BCAT1: variants seen among roughly 807,000 people sequenced by gnomAD.
BCAT1 encodes branched chain amino acid transaminase 1.
Under a neutral mutation model 52.4 loss-of-function variants are expected in BCAT1, and 48 were observed. The ratio of observed to expected loss-of-function variants is 0.92; its 90% CI spans 0.73 to 1.16. The LOEUF is 1.16. Among genes scored for constraint, BCAT1 ranks in the 50% most tolerant of loss-of-function variants. The pLI is 0.00. For missense variants in BCAT1, 451 were observed against 457.1 expected (o/e 0.99, Z 0.12); for synonymous variants, 167 against 161.3 (o/e 1.04, Z -0.27).
intron 6 of BCAT1, among the ~76,000 whole-genome samples, chr12:24,846,937 G>A (rs550508469): frequency 5.5e-4 from 83 of 152,282 alleles, no homozygotes; most frequent in African/African-American, 1.8e-3. Context: ...GACTTGGAGA[G>A]AGGATTCAGT....
chr12:24,938,904 T>C (rs1943808593), intron 1 of BCAT1, among the ~76,000 whole-genome samples: 1 of 152,042 alleles, frequency 6.6e-6, no homozygotes, highest in Non-Finnish European at 1.5e-5. Flanking sequence ...AGATGGAGTC[T>C]CGCTCTGTCA....
rs557725750 is a variant in BCAT1 at position 24,947,297 on chromosome 12, C to A, written c.6+1630G>T. On this transcript the variant is annotated intron_variant, in intron 1 of 10. Transcript: ENST00000261192. ...TTTATTAAGTCATAATACTCACTTA[C>A]CATTTTTGTACACATGCTACTCAGT... Among the ~76,000 whole-genome samples the A allele has an allele frequency of 9.9e-5, 15 of 152,148 alleles. No individual in the cohort carries two copies. The East Asian group carries it at 2.9e-3, about 29-fold the overall frequency.
At chr12:24,829,193 G>C (rs1047700494) in intron 10 of BCAT1, among the ~76,000 whole-genome samples, 1 of 151,866 alleles carries the variant, frequency 6.6e-6, no homozygotes. Context: ...AGACCAGCCT[G>C]GCCAACATGG....
At chr12:24,863,731 G>C (rs1781521788) in intron 5 of BCAT1, among the ~76,000 whole-genome samples, 1 of 152,090 alleles carries the variant, frequency 6.6e-6, no homozygotes, top group South Asian at 2.1e-4. Context: ...AGGAGTTTGA[G>C]GTGAGCCTTG....
At chr12:24,932,800 T>G (rs1156579566) in intron 1 of BCAT1, among the ~76,000 whole-genome samples, 8 of 143,920 alleles carry the variant, frequency 5.6e-5, no homozygotes, top group Non-Finnish European at 1.1e-4. Context: ...CCATGCCTGG[T>G]TAATTTTTTT....
At chr12:24,887,029 C>A (rs535454641) in intron 3 of BCAT1, among the ~76,000 whole-genome samples, 1 of 121,642 alleles carries the variant, frequency 8.2e-6, no homozygotes, top group Non-Finnish European at 1.6e-5. Context: ...CACCACTGCT[C>A]TCCAGCCTGG....
At chr12:24,837,153 T>C (rs1941015994) in intron 7 of BCAT1, among the ~76,000 whole-genome samples, 1 of 82,234 alleles carries the variant, frequency 1.2e-5, no homozygotes, top group Non-Finnish European at 3.0e-5. Context: ...AGGAAAGTTA[T>C]CTAATCATCT....
intron 6 of BCAT1, among the ~76,000 whole-genome samples, chr12:24,844,806 A>G (rs1212414276): frequency 7.0e-6 from 1 of 142,940 alleles, no homozygotes; most frequent in Non-Finnish European, 1.5e-5. Context: ...CTGAGGCAGG[A>G]GAATGGCGTG....
At chr12:24,836,365 G>T (rs1940923024) in intron 8 of BCAT1, 146 bp downstream of exon 8, 5 of 712,430 alleles carry the variant, frequency 7.0e-6, no homozygotes, top group Non-Finnish European at 2.3e-6. Context: ...AGCCCTTCTA[G>T]AAGAATACTT....
intron 5 of BCAT1, among the ~76,000 whole-genome samples, chr12:24,865,108 G>A (rs1334520147): frequency 6.6e-6 from 1 of 152,126 alleles, no homozygotes; most frequent in Non-Finnish European, 1.5e-5. Flanking sequence ...TCCCCTTAAA[G>A]ATGTAATCTA....
chr12:24,892,192 G>A (rs1397111930), intron 3 of BCAT1, among the ~76,000 whole-genome samples: 2 of 151,824 alleles, frequency 1.3e-5, no homozygotes, highest in South Asian at 2.1e-4. Flanking sequence ...TGGTTTGAAC[G>A]ACTCTGACAT....
chr12:24,919,006 G>A (rs766860481), intron 1 of BCAT1, among the ~76,000 whole-genome samples: 20 of 152,214 alleles, frequency 1.3e-4, no homozygotes, highest in South Asian at 4.1e-4. Context: ...TGTGAGCCTC[G>A]ATAAATATCT....
upstream of BCAT1, chr12:24,949,264 G>T: frequency 2.2e-6 from 1 of 444,846 alleles, no homozygotes; most frequent in Non-Finnish European, 4.0e-6. Context: ...CTCACTCCCG[G>T]GGTGCAGGGC....
At chr12:24,867,058 C>T (rs972397093) in intron 5 of BCAT1, among the ~76,000 whole-genome samples, 5 of 152,080 alleles carry the variant, frequency 3.3e-5, no homozygotes, top group African/African-American at 1.2e-4. Context: ...ACCACGAACC[C>T]ACCGCAAGGA....
Position 24,836,551 on chromosome 12 carries a change from C to A in BCAT1, c.863G>T (p.Gly288Val). The A allele has an allele frequency of 6.2e-7, 1 of 1,613,132 alleles. No homozygotes were observed. Among genetic ancestry groups the A allele is most frequent in the Non-Finnish European group, 8.5e-7 (1 of 1,179,606 alleles). ...GTCCAGAATGCACCGCCTTGTCACT[C>A]CTGGAAGAATGATGCCATCTAGTGG... is the stretch of plus-strand genomic sequence containing the variant. ...TPPLDGIILP[G>V]VTRRCILDLA... The change falls in exon 8 of 11, where the codon GGA (glycine) becomes GTA (valine). Residue 288 changes from glycine (G) to valine (V), a missense_variant. Transcript: ENST00000261192.
chr12:24,897,536 C>T (rs1052542393), intron 2 of BCAT1, among the ~76,000 whole-genome samples: 2 of 151,982 alleles, frequency 1.3e-5, no homozygotes, highest in Non-Finnish European at 1.5e-5. Context: ...TAAGCACTGC[C>T]CTGTATCCAG....
intron 5 of BCAT1, among the ~76,000 whole-genome samples, chr12:24,874,297 A>G (rs1018391266): frequency 2.0e-5 from 3 of 152,238 alleles, no homozygotes; most frequent in African/African-American, 7.2e-5. Context: ...CTGGGCAACC[A>G]AGCGAGACTC....
intron 2 of BCAT1, among the ~76,000 whole-genome samples, chr12:24,898,536 T>TTTTTTTTTTTTTTTTTTTTTG: frequency 7.4e-6 from 1 of 135,180 alleles, no homozygotes; most frequent in Admixed American, 7.7e-5. Context: ...TTTTTTTTTT[T>TTTTTTTTTTTTTTTTTTTTTG]TTTTTTTTTT....
chr12:24,899,595 C>T (rs1216314008), intron 2 of BCAT1, among the ~76,000 whole-genome samples: 1 of 151,990 alleles, frequency 6.6e-6, no homozygotes, highest in African/African-American at 2.4e-5. Flanking sequence ...ATGTTTATTA[C>T]AGCACTATTC....
Sources: allele counts gnomAD v4.1 joint callset (sites outside exome capture counted in the v4.1 genomes callset), GRCh38; gene constraint gnomAD v4.1.1; transcripts MANE v1.5; gene names NCBI Gene and HGNC (gene_info 2026-07-23, HGNC 2026-07-21).